Variants in TAOK1 observed in about 807,000 individuals in gnomAD.
TAOK1 encodes the protein serine/threonine-protein kinase TAO1.
A neutral mutation model predicts 138.3 loss-of-function variants in TAOK1; 21 were observed. The ratio of observed to expected loss-of-function variants is 0.15; its 90% CI spans 0.11 to 0.22. The LOEUF (loss-of-function observed/expected upper bound fraction) is 0.22. Ranked by LOEUF, TAOK1 falls within the 10% of genes least tolerant of loss-of-function variation. TAOK1 has a pLI of 1.00. For synonymous variants in TAOK1, 361 were observed against 398.4 expected (o/e 0.91, Z 1.12); for missense variants, 651 against 1,227.7 (o/e 0.53, Z 7.02).
intron 1 of TAOK1, among the ~76,000 whole-genome samples, chr17:29,394,148 C>G (rs1308286005): frequency 1.0e-5 from 1 of 96,450 alleles, no homozygotes; most frequent in Admixed American, 1.1e-4. Flanking sequence ...AATAATTTGC[C>G]AGTTTTTTTT....
chr17:29,498,582 T>C (rs1369757548), intron 12 of TAOK1, 61 bp downstream of exon 12: 61 of 1,573,260 alleles, frequency 3.9e-5, no homozygotes, highest in Non-Finnish European at 3.5e-6. Flanking sequence ...CTTCATCTGT[T>C]AGTTTAAGAG....
intron 8 of TAOK1, among the ~76,000 whole-genome samples, chr17:29,484,371 A>G (rs1160278919): frequency 6.6e-6 from 1 of 152,240 alleles, no homozygotes; most frequent in Non-Finnish European, 1.5e-5. Flanking sequence ...GTCAGGAACT[A>G]TATTTTAAGC....
At chr17:29,438,788 C>T (rs75348307) in intron 1 of TAOK1, among the ~76,000 whole-genome samples, 2,284 of 152,270 alleles carry the variant, frequency 0.015, 52 homozygotes, top group African/African-American at 0.053. Flanking sequence ...AACAGTCCCA[C>T]CTCTTGAGCG....
At chr17:29,463,828 C>T (rs114918822) in intron 2 of TAOK1, among the ~76,000 whole-genome samples, 1 of 152,074 alleles carries the variant, frequency 6.6e-6, no homozygotes, top group African/African-American at 2.4e-5. Context: ...TGACAAGGGA[C>T]CTGGGTCTTG....
intron 15 of TAOK1, among the ~76,000 whole-genome samples, chr17:29,515,443 T>C (rs1279928653): frequency 6.6e-6 from 1 of 152,126 alleles, no homozygotes; most frequent in African/African-American, 2.4e-5. Context: ...TACTTCGAAG[T>C]TAGGAACCAT....
intron 1 of TAOK1, chr17:29,403,973 C>G (rs1904922092): frequency 6.6e-6 from 1 of 152,124 alleles, no homozygotes; most frequent in South Asian, 2.1e-4. Flanking sequence ...ATCATTTTAT[C>G]TTCAGCTTAG....
rs58117433 is a variant in TAOK1, at chr17:29,394,150, G to GTTTTTTTTTTTTTTTTT, written c.-95+3143_-95+3159dup. ...TATGATTTATTTTAATAATTTGCCA[G>GTTTTTTTTTTTTTTTTT]TTTTTTTTTTTTTTTTTTTTTTTTT... On this transcript the variant is annotated intron_variant, in intron 1 of 19. Transcript: ENST00000261716. Among the ~76,000 whole-genome samples, 7 of 48,278 alleles carry GTTTTTTTTTTTTTTTTT rather than the reference G, an allele frequency of 1.4e-4. 2 individuals are homozygous for GTTTTTTTTTTTTTTTTT. The highest frequency in any genetic ancestry group is 3.9e-4 in the African/African-American group (5 of 12,766). 31.7% of individuals were successfully genotyped at this position (48,278 alleles called of 152,430 possible). A position where few individuals can be genotyped will look rare whatever the true frequency, so the allele number is the denominator to read the frequency against.
At chr17:29,414,271 C>T (rs938892137) in intron 1 of TAOK1, among the ~76,000 whole-genome samples, 6 of 151,272 alleles carry the variant, frequency 4.0e-5, no homozygotes, top group African/African-American at 7.3e-5. Context: ...TTATTTGATA[C>T]GGAGTCTTGC....
At chr17:29,488,666 G>A (rs574168221) in intron 8 of TAOK1, among the ~76,000 whole-genome samples, 3 of 151,360 alleles carry the variant, frequency 2.0e-5, no homozygotes, top group African/African-American at 7.3e-5. Flanking sequence ...TCAGTCTATG[G>A]TTGAAATATT....
At chr17:29,398,407 A>C (rs1489988347) in intron 1 of TAOK1, among the ~76,000 whole-genome samples, 1 of 151,544 alleles carries the variant, frequency 6.6e-6, no homozygotes, top group Admixed American at 6.6e-5. Context: ...GGGTTTCTCC[A>C]TGTTGGTCAG....
chr17:29,453,240 A>G (rs1032454863), intron 2 of TAOK1, among the ~76,000 whole-genome samples: 2 of 150,738 alleles, frequency 1.3e-5, no homozygotes, highest in Non-Finnish European at 3.0e-5. Flanking sequence ...GCTCACTGCA[A>G]GCTCCGCCTC....
chr17:29,471,478 C>T (rs1023738645), intron 3 of TAOK1, among the ~76,000 whole-genome samples: 1 of 151,602 alleles, frequency 6.6e-6, no homozygotes. Flanking sequence ...GGGGTTTCAT[C>T]ATCTTGGCCA....
chr17:29,462,926 T>C (rs1475189283), intron 2 of TAOK1, among the ~76,000 whole-genome samples: 4 of 152,176 alleles, frequency 2.6e-5, no homozygotes, highest in African/African-American at 4.8e-5. Context: ...GAGGTGAGAA[T>C]AGATGATGTG....
intron 1 of TAOK1, among the ~76,000 whole-genome samples, chr17:29,412,645 A>G (rs1177975394): frequency 6.6e-6 from 1 of 152,228 alleles, no homozygotes; most frequent in African/African-American, 2.4e-5. Flanking sequence ...TGCCTAGCAT[A>G]GGACATACAG....
chr17:29,450,494 T>C (rs186384092), intron 1 of TAOK1, among the ~76,000 whole-genome samples: 3 of 152,170 alleles, frequency 2.0e-5, no homozygotes, highest in Admixed American at 2.0e-4. Flanking sequence ...CCAAAGCCTC[T>C]TAATTATGAC....
chr17:29,452,060 A>T (rs2030252266), intron 2 of TAOK1, among the ~76,000 whole-genome samples: 1 of 152,016 alleles, frequency 6.6e-6, no homozygotes, highest in African/African-American at 2.4e-5. Context: ...TACAAAAAAT[A>T]CAAAACTTAG....
intron 4 of TAOK1, among the ~76,000 whole-genome samples, chr17:29,476,230 T>G (rs765695446): frequency 6.6e-6 from 1 of 152,208 alleles, no homozygotes; most frequent in Admixed American, 6.5e-5. Context: ...CACTTTATTA[T>G]AAGAAGTAGA....
At chr17:29,416,866 T>C (rs1905276339) in intron 1 of TAOK1, among the ~76,000 whole-genome samples, 1 of 152,206 alleles carries the variant, frequency 6.6e-6, no homozygotes, top group South Asian at 2.1e-4. Context: ...CAATATTTGT[T>C]AAATGCAATT....
At chr17:29,493,152 A>C (rs538498056) in intron 10 of TAOK1, among the ~76,000 whole-genome samples, 10 of 152,072 alleles carry the variant, frequency 6.6e-5, no homozygotes, top group Admixed American at 2.0e-4. Context: ...AAAAAAAGAA[A>C]GAAAGAAGAA....
Sources: allele counts gnomAD v4.1 joint callset (sites outside exome capture counted in the v4.1 genomes callset), GRCh38; gene constraint gnomAD v4.1.1; transcripts MANE v1.5; gene names NCBI Gene and HGNC (gene_info 2026-07-23, HGNC 2026-07-21).